The following ARHGAP44 variants were observed in gnomAD, a reference collection of about 807,000 sequenced individuals.
ARHGAP44 encodes rho GTPase-activating protein 44.
In ARHGAP44, 43 loss-of-function variants were observed where a neutral mutation model predicts 106.8. The ratio of observed to expected loss-of-function variants is 0.40; its 90% confidence interval spans 0.32 to 0.52. The LOEUF (loss-of-function observed/expected upper bound fraction) is 0.52, where lower values mean the gene tolerates loss of function less well. Among genes scored for constraint, ARHGAP44 ranks in the 20% least tolerant of loss-of-function variants. ARHGAP44 has a pLI of 0.48. For missense variants in ARHGAP44, 866 were observed against 1,050.5 expected (o/e 0.82, Z 2.43); for synonymous variants, 439 against 410.3 (o/e 1.07, Z -0.85).
intron 6 of ARHGAP44, among the ~76,000 whole-genome samples, chr17:12,926,723 G>T (rs1276935206): frequency 6.6e-6 from 1 of 151,530 alleles, no homozygotes; most frequent in Non-Finnish European, 1.5e-5. Flanking sequence ...TATTTAGTAT[G>T]ATTCTGTTTT....
At chr17:12,972,878 G>A (rs187866389) in intron 16 of ARHGAP44, among the ~76,000 whole-genome samples, 22 of 151,944 alleles carry the variant, frequency 1.4e-4, no homozygotes, top group Admixed American at 2.6e-4. Context: ...AGCCAGGATG[G>A]TCTCAATCTC....
chr17:12,846,113 C>T (rs1447433132), intron 1 of ARHGAP44, among the ~76,000 whole-genome samples: 2 of 147,380 alleles, frequency 1.4e-5, no homozygotes, highest in Admixed American at 6.7e-5. Context: ...AAAAAAAATA[C>T]AGCTGGCAAA....
At chr17:12,967,284 A>G (rs1224632485) in intron 16 of ARHGAP44, among the ~76,000 whole-genome samples, 1 of 123,792 alleles carries the variant, frequency 8.1e-6, no homozygotes, top group African/African-American at 3.2e-5. Context: ...TTCCTGAGAT[A>G]CAGTCTTGCT....
At chr17:12,930,878 T>A (rs1387093138) in intron 7 of ARHGAP44, among the ~76,000 whole-genome samples, 1 of 152,168 alleles carries the variant, frequency 6.6e-6, no homozygotes, top group Non-Finnish European at 1.5e-5. Context: ...GGTAGAAACC[T>A]CCCCACCAAT....
rs566705590 is a variant in ARHGAP44, at chr17:12,922,821, A to G, written c.464+2990A>G. The stretch of plus-strand genomic sequence containing the variant: ...GCCATGTTGGCCAGGCTGGTCACGA[A>G]CTCCTCTAGCAGGAACACTAGACAA... On this transcript the variant is annotated intron_variant, in intron 6 of 20. Transcript: ENST00000379672. Among the ~76,000 whole-genome samples the G allele has an allele frequency of 2.6e-5, 4 of 152,106 alleles. No homozygotes were observed. The South Asian group carries it at 8.3e-4, about 32-fold the overall frequency.
rs1412095594 is a variant in ARHGAP44, at chr17:12,984,711, C to T, written c.2120C>T (p.Pro707Leu). The T allele has an allele frequency of 1.9e-6, 3 of 1,613,834 alleles. No individual in the cohort carries two copies. The African/African-American group carries it at 4.0e-5, about 22-fold the overall frequency. The change falls in exon 20 of 21, where the codon CCA (proline) becomes CTA (leucine). Residue 707 changes from proline to leucine, a missense_variant. Transcript: ENST00000379672. ...TCCTTGGCCTCGGGCCAGCTCTCCC[C>T]AGCTGCAGCTCCTCCCCTGGCCTCT... ...GYSLASGQLS[P>L]AAAPPLASPS...
intron 3 of ARHGAP44, among the ~76,000 whole-genome samples, chr17:12,898,950 T>C (rs563638293): frequency 8.5e-6 from 1 of 117,990 alleles, no homozygotes; most frequent in South Asian, 3.4e-4. Flanking sequence ...GTGATTTCAC[T>C]GCATGGATTT....
chr17:12,908,756 T>G, intron 3 of ARHGAP44, 141 bp from the exon 4 acceptor site: 1 of 639,384 alleles, frequency 1.6e-6, no homozygotes, highest in Non-Finnish European at 2.7e-6. Flanking sequence ...CACTATGAAT[T>G]TCTATGTTTA....
At chr17:12,970,531 C>T (rs1158488060) in intron 16 of ARHGAP44, among the ~76,000 whole-genome samples, 2 of 152,164 alleles carry the variant, frequency 1.3e-5, no homozygotes, top group East Asian at 1.9e-4. Context: ...TGGCCTCTGA[C>T]TTCTTGCTTT....
At chr17:12,974,334 G>C (rs1018018431) in intron 18 of ARHGAP44, 24 bp downstream of exon 18, 2 of 1,385,604 alleles carry the variant, frequency 1.4e-6, no homozygotes, top group South Asian at 1.7e-5. Context: ...ACTGCCGTCC[G>C]GGCGGGCTGG....
intron 1 of ARHGAP44, among the ~76,000 whole-genome samples, chr17:12,802,416 T>TG (rs2150765117): frequency 6.6e-6 from 1 of 152,264 alleles, no homozygotes; most frequent in African/African-American, 2.4e-5. Context: ...GCAAAGGAGT[T>TG]GCTTCAAAAT....
chr17:12,980,122 G>A lies in ARHGAP44; in HGVS notation c.1828G>A (p.Gly610Ser), dbSNP rs1362593156. The stretch of plus-strand genomic sequence containing the variant: ...GAAAGGAAGTCCAGGCTCCAGCCAG[G>A]GCACAGCCTGTGCAGGGACTCAACC... ...AQKGSPGSSQ[G>S]TACAGTQPGA... Residue 610 changes from glycine (G) to serine (S), a missense_variant, in exon 19 of 21, where the codon GGC becomes AGC. By Grantham distance (56) the Gly-to-Ser change is moderately conservative. This residue lies in a region of ARHGAP44 where 418 missense variants were observed against 403.6 expected (regional missense o/e 1.04). Coordinates refer to ENST00000379672, the MANE Select transcript of ARHGAP44 (RefSeq NM_014859.6). 2 of 1,613,964 alleles carry A rather than the reference G, an allele frequency of 1.2e-6. No individual in the cohort carries two copies. Among genetic ancestry groups the A allele is most frequent in the Non-Finnish European group, 1.7e-6 (2 of 1,179,872 alleles).
chr17:12,931,583 G>A lies in ARHGAP44; in HGVS notation c.582+2537G>A, dbSNP rs112663008. 8.3e-3 allele frequency among the ~76,000 whole-genome samples: 1,257 copies of A among 151,470 alleles called. 24 individuals are homozygous for A. The highest frequency in any genetic ancestry group is 0.029 in the African/African-American group (1,200 of 41,312). ...GGGATCTCCGCTCACTGCAAGCTCC[G>A]CCTCCCGGGTTCACACCATTCTCCT... On this transcript the variant is annotated intron_variant, in intron 7 of 20. Coordinates refer to ENST00000379672, the MANE Select transcript of ARHGAP44 (RefSeq NM_014859.6).
Position 12,817,244 on chromosome 17 carries a change from T to G in ARHGAP44, c.53+27353T>G, listed in dbSNP as rs527287179. On this transcript the variant is annotated intron_variant, in intron 1 of 20. Coordinates refer to ENST00000379672, the MANE Select transcript of ARHGAP44 (RefSeq NM_014859.6). ...AAATGAAAACACAACATATCAAAAT[T>G]TGTGGGGTGCATCTAATGATTGGAG... Among the ~76,000 whole-genome samples, 122 of 152,162 alleles carry G rather than the reference T, an allele frequency of 8.0e-4. 1 individual carries two copies. The highest frequency in any genetic ancestry group is 4.1e-3 in the South Asian group (20 of 4,822).
chr17:12,819,965 A>G (rs9916156), intron 1 of ARHGAP44, among the ~76,000 whole-genome samples: 35,875 of 151,928 alleles, frequency 0.24, 4,970 homozygotes, highest in African/African-American at 0.38. Context: ...TTTGTGTCCT[A>G]TTGAAGAAAT....
intron 1 of ARHGAP44, among the ~76,000 whole-genome samples, chr17:12,845,463 GCGCCA>G (rs2035538486): frequency 6.9e-6 from 1 of 144,894 alleles, no homozygotes; most frequent in Non-Finnish European, 1.5e-5. Context: ...AGCCGAGATC[GCGCCA>G]TTGCACTCCA....
intron 4 of ARHGAP44, among the ~76,000 whole-genome samples, chr17:12,911,978 T>C (rs1245456344): frequency 6.6e-6 from 1 of 152,218 alleles, no homozygotes; most frequent in Non-Finnish European, 1.5e-5. Context: ...CAACCACGTC[T>C]TTCTACAGAT....
At chr17:12,901,455 A>G (rs2037373107) in intron 3 of ARHGAP44, among the ~76,000 whole-genome samples, 2 of 152,258 alleles carry the variant, frequency 1.3e-5, no homozygotes, top group East Asian at 1.9e-4. Flanking sequence ...GGGTGGGGCC[A>G]TGGTAGAAGT....
At chr17:12,960,581 AAG>A (rs954101664) in intron 16 of ARHGAP44, among the ~76,000 whole-genome samples, 7 of 152,066 alleles carry the variant, frequency 4.6e-5, no homozygotes, top group Non-Finnish European at 1.0e-4. Flanking sequence ...AAAAAAAAGA[AAG>A]AGAGTCTCGC....
Sources: allele counts gnomAD v4.1 joint callset (sites outside exome capture counted in the v4.1 genomes callset), GRCh38; gene constraint gnomAD v4.1.1; regional missense constraint gnomAD v4.1.1; transcripts MANE v1.5; gene names NCBI Gene and HGNC (gene_info 2026-07-23, HGNC 2026-07-21).